Variants in MKRN3 observed in about 807,000 individuals in gnomAD.
MKRN3 encodes makorin ring finger protein 3, also known as E3 ubiquitin-protein ligase makorin-3.
For missense variants in MKRN3, 749 were observed against 667.0 expected, an observed-to-expected ratio of 1.12 and a Z score of -1.35; for synonymous variants, 301 against 250.2, an observed-to-expected ratio of 1.20 and a Z score of -1.91.
At position 23,567,952 on chromosome 15, in the gene MKRN3, AT is replaced by A. The variant is rs975820020; in HGVS notation, c.*647del. 16 of 714,000 alleles carry A rather than the reference AT, an allele frequency of 2.2e-5. No individual in the cohort carries two copies. Among genetic ancestry groups the A allele is most frequent in the African/African-American group, 7.8e-5 (4 of 51,508 alleles). The allele number at this position is 714,000 out of a possible 1,614,324, so 44.2% of individuals were successfully genotyped here. A position where few individuals can be genotyped will look rare whatever the true frequency, so the allele number is the denominator to read the frequency against. ...TATAAGAGTTATGTATTTGAAAAAAATATATAAAAGAATATACATCACAATA... is the reference window on the plus strand; with the variant it reads ...TATAAGAGTTATGTATTTGAAAAAAAATATAAAAGAATATACATCACAATA... On this transcript the variant is annotated 3_prime_UTR_variant, in exon 1 of 1. Coordinates refer to ENST00000314520, the MANE Select transcript of MKRN3 (RefSeq NM_005664.4).
Position 23,567,143 on chromosome 15 carries a change from G to A in MKRN3, c.1361G>A (p.Gly454Asp), listed in dbSNP as rs781557729. 5.0e-6 allele frequency: 8 copies of A among 1,614,182 alleles called. No individual in the cohort carries two copies. The South Asian group carries it at 8.8e-5, about 18-fold the overall frequency. The change falls in exon 1 of 1, where the codon GGC becomes GAC. Residue 454 changes from glycine (G) to aspartate (D), a missense_variant. Coordinates refer to ENST00000314520, the MANE Select transcript of MKRN3 (RefSeq NM_005664.4). ...QLVEPVRMGE[G>D]NMLYKSIKKE... ...GTGGAGCCTGTGCGAATGGGAGAGG[G>A]CAACATGCTCTATAAAAGCATTAAG... is the stretch of plus-strand genomic sequence containing the variant.
At position 23,567,384 on chromosome 15, in the gene MKRN3, T is replaced by C; in HGVS notation, c.*78T>C. 6.4e-7 allele frequency: 1 copy of C among 1,556,380 alleles called. No homozygotes were observed. Among genetic ancestry groups the C allele is most frequent in the Middle Eastern group, 1.7e-4 (1 of 5,744 alleles). On this transcript the variant is annotated 3_prime_UTR_variant, in exon 1 of 1. Transcript: ENST00000314520. ...GCCTGTTTTCCCTGTGTTGACACTC[T>C]TACTGCTTTCAGGGGCTGTTGAGGC...
rs776038669 is a variant in MKRN3, at chr15:23,566,757, T to A, written c.975T>A (p.Asn325Lys). 26 of 1,614,098 alleles carry A rather than the reference T, an allele frequency of 1.6e-5. No homozygotes were observed. Among genetic ancestry groups the A allele is most frequent in the Non-Finnish European group, 2.1e-5 (25 of 1,180,054 alleles). ...TTGTCTATGAGAAGGCCAACCCCAA[T>A]GACCGCCGCTTTGGCATTCTTTCCA... ...MEVVYEKANP[N>K]DRRFGILSNC... is the part of the protein sequence containing the mutation. The change falls in exon 1 of 1, where the codon AAT becomes AAA. Residue 325 changes from asparagine to lysine, a missense_variant. Transcript: ENST00000314520.
At position 23,567,906 on chromosome 15, in the gene MKRN3, A is replaced by G; in HGVS notation, c.*600A>G. On this transcript the variant is annotated 3_prime_UTR_variant, in exon 1 of 1. Coordinates refer to ENST00000314520, the MANE Select transcript of MKRN3 (RefSeq NM_005664.4). ...ATTTGGAAATATATATTTAAGAATT[A>G]TATATATAAAAATATATATGTATAA... is the stretch of plus-strand genomic sequence containing the variant. 1.3e-6 allele frequency: 1 copy of G among 794,080 alleles called. No individual in the cohort carries two copies. Among genetic ancestry groups the G allele is most frequent in the Non-Finnish European group, 1.6e-6 (1 of 644,274 alleles). 49.2% of individuals were successfully genotyped at this position (794,080 alleles called of 1,614,324 possible).
rs1422921057 is a variant in MKRN3, at chr15:23,566,610, C to T, written c.828C>T (p.Pro276=). The T allele has an allele frequency of 1.2e-6, 2 of 1,614,148 alleles. No homozygotes were observed. The highest frequency in any genetic ancestry group is 2.7e-5 in the African/African-American group (2 of 75,034). Residue 276 remains proline (P), a synonymous_variant, in exon 1 of 1, where the codon CCC becomes CCT. Coordinates refer to ENST00000314520, the MANE Select transcript of MKRN3 (RefSeq NM_005664.4). ...TGTGTGGGCTGCAGACCTTGCACCC[C>T]ATGGATGCTGCCCAGAGGGAAGAAC... ...CDMCGLQTLH[P]MDAAQREEHM...
rs146129134 is a variant in MKRN3 at position 23,566,957 on chromosome 15, A to T, written c.1175A>T (p.Lys392Met). ...EEKQKLIQQY[K>M]EAMSNKACRY... is the part of the protein sequence containing the mutation. Reference sequence around the variant, plus strand: ...AAGCAGAAACTTATTCAGCAATACAAGGAGGCAATGAGCAACAAGGCCTGC... The same window carrying T: ...AAGCAGAAACTTATTCAGCAATACATGGAGGCAATGAGCAACAAGGCCTGC... The change falls in exon 1 of 1, where the codon AAG becomes ATG. Residue 392 changes from lysine to methionine, a missense_variant. By Grantham distance (95) the Lys-to-Met change is moderately conservative. Coordinates refer to ENST00000314520, the MANE Select transcript of MKRN3 (RefSeq NM_005664.4). 1.9e-5 allele frequency: 31 copies of T among 1,614,112 alleles called. No homozygotes were observed. Among genetic ancestry groups the T allele is most frequent in the Non-Finnish European group, 2.5e-5 (30 of 1,180,052 alleles).
rs547763493 is a variant in MKRN3, at chr15:23,566,466, A to G, written c.684A>G (p.Ser228=). 2 of 1,614,120 alleles carry G rather than the reference A, an allele frequency of 1.2e-6. No homozygotes were observed. The highest frequency in any genetic ancestry group is 2.2e-5 in the South Asian group (2 of 91,086). ...ASAPEAPLQS[S]ETERKQMAVG... ...CCCCCGAGGCTCCTCTACAGAGCTC[A>G]GAGACTGAGAGGAAGCAGATGGCTG... The change falls in exon 1 of 1, where the codon TCA becomes TCG. Residue 228 remains serine, a synonymous_variant. Transcript: ENST00000314520.
chr15:23,567,777 TG>T lies in MKRN3; in HGVS notation c.*472del, dbSNP rs1447053536. 1.0e-6 allele frequency: 1 copy of T among 1,003,088 alleles called. No homozygotes were observed. The highest frequency in any genetic ancestry group is 1.2e-6 in the Non-Finnish European group (1 of 831,958). 62.1% of individuals were successfully genotyped at this position (1,003,088 alleles called of 1,614,324 possible). ...TCCCTCCTTCCCCTTCAAGTGCACTTGTTAAACTGTGATGAACTTGTGATTT... is the reference window on the plus strand; with the variant it reads ...TCCCTCCTTCCCCTTCAAGTGCACTTTTAAACTGTGATGAACTTGTGATTT... On this transcript the variant is annotated 3_prime_UTR_variant, in exon 1 of 1. Coordinates refer to ENST00000314520, the MANE Select transcript of MKRN3 (RefSeq NM_005664.4).
Position 23,567,750 on chromosome 15 carries a change from T to C in MKRN3, c.*444T>C. On this transcript the variant is annotated 3_prime_UTR_variant, in exon 1 of 1. Coordinates refer to ENST00000314520, the MANE Select transcript of MKRN3 (RefSeq NM_005664.4). Reference sequence around the variant, plus strand: ...TCATCTGTTTGTTTACAGTTTGTTCTTTCCCTCCTTCCCCTTCAAGTGCAC... The same window carrying C: ...TCATCTGTTTGTTTACAGTTTGTTCCTTCCCTCCTTCCCCTTCAAGTGCAC... The C allele has an allele frequency of 9.9e-7, 1 of 1,005,808 alleles. No individual in the cohort carries two copies. The allele number at this position is 1,005,808 out of a possible 1,614,324, so 62.3% of individuals were successfully genotyped here.
Position 23,566,866 on chromosome 15 carries a change from C to T in MKRN3, c.1084C>T (p.Pro362Ser). Residue 362 changes from proline to serine, a missense_variant, in exon 1 of 1, where the codon CCA (proline) becomes TCA (serine). Transcript: ENST00000314520. ...QFENRIVKSCPQCRVTSELVI... is the reference protein window; with the variant it reads ...QFENRIVKSCSQCRVTSELVI... ...TGAGAACAGGATCGTCAAGTCTTGCCCACAGTGCAGGGTCACCTCTGAATT... is the reference window on the plus strand; with the variant it reads ...TGAGAACAGGATCGTCAAGTCTTGCTCACAGTGCAGGGTCACCTCTGAATT... 1.9e-6 allele frequency: 3 copies of T among 1,614,158 alleles called. No individual in the cohort carries two copies. Among genetic ancestry groups the T allele is most frequent in the Non-Finnish European group, 2.5e-6 (3 of 1,180,036 alleles).
chr15:23,566,907 G>A lies in MKRN3; in HGVS notation c.1125G>A (p.Glu375=), dbSNP rs1270442430. The A allele has an allele frequency of 2.5e-6, 4 of 1,614,254 alleles. No individual in the cohort carries two copies. In the East Asian group the frequency reaches 6.7e-5, roughly 27 times the overall value. Residue 375 remains glutamate (E), a synonymous_variant, in exon 1 of 1, where the codon GAG becomes GAA. Transcript: ENST00000314520. The part of the protein sequence containing the change: ...RVTSELVIPS[E]FWVEEEEEKQ... ...CCTCTGAATTGGTCATTCCCAGTGA[G>A]TTCTGGGTGGAGGAGGAGGAAGAGA...
At position 23,566,779 on chromosome 15, in the gene MKRN3, T is replaced by C; in HGVS notation, c.997T>C (p.Ser333Pro). Residue 333 changes from serine (S) to proline (P), a missense_variant, in exon 1 of 1, where the codon TCC (serine) becomes CCC (proline). Physicochemically the swap from Ser to Pro is moderately conservative, Grantham distance 74. Coordinates refer to ENST00000314520, the MANE Select transcript of MKRN3 (RefSeq NM_005664.4). ...NPNDRRFGIL[S>P]NCNHSFCIRC... ...CAATGACCGCCGCTTTGGCATTCTT[T>C]CCAATTGCAACCATTCCTTCTGTAT... 6.2e-7 allele frequency: 1 copy of C among 1,614,224 alleles called. No homozygotes were observed. The highest frequency in any genetic ancestry group is 8.5e-7 in the Non-Finnish European group (1 of 1,180,030).
chr15:23,567,833 T>G lies in MKRN3; in HGVS notation c.*527T>G, dbSNP rs2140651170. 1.0e-6 allele frequency: 1 copy of G among 994,006 alleles called. No homozygotes were observed. The highest frequency in any genetic ancestry group is 1.1e-4 in the East Asian group (1 of 8,790). 61.6% of individuals were successfully genotyped at this position (994,006 alleles called of 1,614,324 possible). ...TTTTACTTGACCAAAACCAAGTGTATATGTTTACATGTTTTTATCCTGTTT... is the reference window on the plus strand; with the variant it reads ...TTTTACTTGACCAAAACCAAGTGTAGATGTTTACATGTTTTTATCCTGTTT... On this transcript the variant is annotated 3_prime_UTR_variant, in exon 1 of 1. Coordinates refer to ENST00000314520, the MANE Select transcript of MKRN3 (RefSeq NM_005664.4).
In MKRN3 at chr15:23,567,246, T is replaced by C; in HGVS notation, c.1464T>C (p.Ser488=). The C allele has an allele frequency of 1.2e-6, 2 of 1,614,246 alleles. No individual in the cohort carries two copies. The highest frequency in any genetic ancestry group is 2.2e-5 in the East Asian group (1 of 44,884). ...CACTGAGAGATGAGTTACCCTTCTC[T>C]GAGGACCAGTGGGACTTGCTTCATT... ...FLSLRDELPF[S]EDQWDLLHYE... The change falls in exon 1 of 1, where the codon TCT becomes TCC. Residue 488 remains serine, a synonymous_variant. Transcript: ENST00000314520.
rs574676138 is a variant in MKRN3, at chr15:23,566,319, C to T, written c.537C>T (p.Phe179=). ...PVIGSAAERG[F]FEAERDNADR... ...TTGGCTCGGCTGCTGAAAGGGGTTT[C>T]TTTGAAGCCGAGAGAGACAATGCAG... is the stretch of plus-strand genomic sequence containing the variant. Residue 179 remains phenylalanine, a synonymous_variant, in exon 1 of 1, where the codon TTC becomes TTT. Transcript: ENST00000314520. 9 of 1,614,092 alleles carry T rather than the reference C, an allele frequency of 5.6e-6. No homozygotes were observed. In the East Asian group the frequency reaches 1.6e-4, roughly 28 times the overall value.
At position 23,566,620 on chromosome 15, in the gene MKRN3, G is replaced by T. The variant is rs1187415273; in HGVS notation, c.838G>T (p.Ala280Ser). ...GLQTLHPMDA[A>S]QREEHMRACI... ...GCAGACCTTGCACCCCATGGATGCT[G>T]CCCAGAGGGAAGAACATATGAGGGC... is the stretch of plus-strand genomic sequence containing the variant. Residue 280 changes from alanine (A) to serine (S), a missense_variant, in exon 1 of 1, where the codon GCC (alanine) becomes TCC (serine). Transcript: ENST00000314520. The T allele has an allele frequency of 1.9e-6, 3 of 1,614,082 alleles. No individual in the cohort carries two copies. Among genetic ancestry groups the T allele is most frequent in the African/African-American group, 2.7e-5 (2 of 74,932 alleles).
chr15:23,567,369 C>T lies in MKRN3; in HGVS notation c.*63C>T. ...CTGTCGTCTGCTATTGCCTGTTTTC[C>T]CTGTGTTGACACTCTTACTGCTTTC... is the stretch of plus-strand genomic sequence containing the variant. On this transcript the variant is annotated 3_prime_UTR_variant, in exon 1 of 1. Transcript: ENST00000314520. The T allele has an allele frequency of 2.5e-6, 4 of 1,576,414 alleles. No individual in the cohort carries two copies. The highest frequency in any genetic ancestry group is 1.2e-5 in the South Asian group (1 of 83,290).
rs1253168323 is a variant in MKRN3 at position 23,567,893 on chromosome 15, A to AAAT, written c.*587_*588insAAT. On this transcript the variant is annotated 3_prime_UTR_variant, in exon 1 of 1. Transcript: ENST00000314520. Reference sequence around the variant, plus strand: ...TGAAATAATTTATATTTGGAAATATATATTTAAGAATTATATATATAAAAA... The same window carrying AAAT: ...TGAAATAATTTATATTTGGAAATATAAATTATTTAAGAATTATATATATAAAAA... The AAAT allele has an allele frequency of 1.2e-6, 1 of 844,334 alleles. No homozygotes were observed. Among genetic ancestry groups the AAAT allele is most frequent in the East Asian group, 1.2e-4 (1 of 8,068 alleles). The allele number at this position is 844,334 out of a possible 1,614,324, so 52.3% of individuals were successfully genotyped here. A position where few individuals can be genotyped will look rare whatever the true frequency, so the allele number is the denominator to read the frequency against.
chr15:23,566,762 G>A lies in MKRN3; in HGVS notation c.980G>A (p.Arg327His), dbSNP rs768002621. 3.1e-6 allele frequency: 5 copies of A among 1,614,074 alleles called. No individual in the cohort carries two copies. The highest frequency in any genetic ancestry group is 4.2e-6 in the Non-Finnish European group (5 of 1,180,032). ...VVYEKANPND[R>H]RFGILSNCNH... is the part of the protein sequence containing the mutation. The stretch of plus-strand genomic sequence containing the variant: ...TATGAGAAGGCCAACCCCAATGACC[G>A]CCGCTTTGGCATTCTTTCCAATTGC... Residue 327 changes from arginine (R) to histidine (H), a missense_variant, in exon 1 of 1, where the codon CGC becomes CAC. Coordinates refer to ENST00000314520, the MANE Select transcript of MKRN3 (RefSeq NM_005664.4).
Sources: allele counts gnomAD v4.1 joint callset, GRCh38; gene constraint gnomAD v4.1.1; transcripts MANE v1.5; gene names NCBI Gene and HGNC (gene_info 2026-07-23, HGNC 2026-07-21).